Variants in FTO observed in about 807,000 individuals in gnomAD.
FTO encodes the protein alpha-ketoglutarate-dependent dioxygenase FTO.
A neutral mutation model predicts 63.9 loss-of-function variants in FTO; 47 were observed. The observed-to-expected ratio is 0.74, with a 90% CI of 0.58 to 0.94. The LOEUF (loss-of-function observed/expected upper bound fraction) is 0.94. Among genes scored for constraint, FTO ranks in the 40% least tolerant of loss-of-function variants. FTO has a pLI of 0.00. For synonymous variants in FTO, 207 were observed against 224.4 expected (o/e 0.92, Z 0.69); for missense variants, 562 against 618.1 (o/e 0.91, Z 0.96).
At chr16:54,029,486 TC>T (rs1274392900) in intron 8 of FTO, among the ~76,000 whole-genome samples, 1 of 151,962 alleles carries the variant, frequency 6.6e-6, no homozygotes, top group Non-Finnish European at 1.5e-5. Context: ...CCTCTCACAC[TC>T]CCCCTTTTTT....
At chr16:53,724,435 A>G (rs2076107175) in intron 1 of FTO, among the ~76,000 whole-genome samples, 1 of 152,082 alleles carries the variant, frequency 6.6e-6, no homozygotes, top group Admixed American at 6.5e-5. Context: ...ACCTGTATAT[A>G]ATGTTTATTT....
intron 7 of FTO, among the ~76,000 whole-genome samples, chr16:53,896,736 C>T (rs995157716): frequency 1.3e-5 from 2 of 152,240 alleles, no homozygotes; most frequent in South Asian, 2.1e-4. Flanking sequence ...GCCGGTTGAC[C>T]GAGTCTTCCT....
intron 4 of FTO, among the ~76,000 whole-genome samples, chr16:53,854,320 T>C (rs1469106506): frequency 6.6e-6 from 1 of 152,186 alleles, no homozygotes; most frequent in Non-Finnish European, 1.5e-5. Flanking sequence ...TTTAAGTAGG[T>C]CCCGTTTATT....
At chr16:53,925,482 A>C (rs2143079589) in intron 7 of FTO, among the ~76,000 whole-genome samples, 1 of 152,128 alleles carries the variant, frequency 6.6e-6, no homozygotes, top group Non-Finnish European at 1.5e-5. Flanking sequence ...TTTTTTAATG[A>C]ACTCTGAAGA....
intron 8 of FTO, among the ~76,000 whole-genome samples, chr16:54,027,306 A>G (rs1181922126): frequency 6.6e-6 from 1 of 152,144 alleles, no homozygotes; most frequent in Non-Finnish European, 1.5e-5. Flanking sequence ...AAAGCCATGA[A>G]TGGAATGATA....
intron 2 of FTO, among the ~76,000 whole-genome samples, chr16:53,816,332 C>T (rs1464178850): frequency 6.6e-6 from 1 of 152,144 alleles, no homozygotes; most frequent in Non-Finnish European, 1.5e-5. Flanking sequence ...TTTAACACAG[C>T]ATCCGGAATG....
intron 7 of FTO, among the ~76,000 whole-genome samples, chr16:53,892,134 C>A (rs2081164682): frequency 6.6e-6 from 1 of 152,030 alleles, no homozygotes; most frequent in Admixed American, 6.6e-5. Context: ...TTGGATGAAT[C>A]TACGGTTCTG....
chr16:53,845,350 A>G lies in FTO; in HGVS notation c.895+1052A>G, dbSNP rs572839723. Among the ~76,000 whole-genome samples the G allele has an allele frequency of 9.9e-5, 15 of 152,260 alleles. No individual in the cohort carries two copies. In the South Asian group the frequency reaches 3.1e-3, roughly 32 times the overall value. ...TTAATTGGGTATTTTAGAGTCTACT[A>G]TGTTCCAGGTACTGTGTAAGGTTCC... On this transcript the variant is annotated intron_variant, in intron 4 of 8. Transcript: ENST00000471389.
At chr16:54,015,597 T>G (rs573123506) in intron 8 of FTO, among the ~76,000 whole-genome samples, 1 of 152,308 alleles carries the variant, frequency 6.6e-6, no homozygotes, top group South Asian at 2.1e-4. Context: ...AAAAAAGGAT[T>G]TAAAATTCAA....
chr16:53,776,421 G>A (rs1414437763), intron 1 of FTO, among the ~76,000 whole-genome samples: 1 of 152,158 alleles, frequency 6.6e-6, no homozygotes, highest in Non-Finnish European at 1.5e-5. Flanking sequence ...TGCTTTTTGT[G>A]TGTGTGAGAA....
At chr16:53,868,648 A>T (rs995254691) in intron 4 of FTO, among the ~76,000 whole-genome samples, 8 of 152,068 alleles carry the variant, frequency 5.3e-5, no homozygotes, top group African/African-American at 1.9e-4. Context: ...GGGTAAGAAA[A>T]ATAATGGTTT....
At chr16:53,903,815 T>C (rs2081465801) in intron 7 of FTO, among the ~76,000 whole-genome samples, 1 of 152,048 alleles carries the variant, frequency 6.6e-6, no homozygotes, top group Non-Finnish European at 1.5e-5. Flanking sequence ...GGAGTAAAAT[T>C]GTTGGATCAA....
At chr16:53,720,670 T>G (rs1257792508) in intron 1 of FTO, among the ~76,000 whole-genome samples, 1 of 147,604 alleles carries the variant, frequency 6.8e-6, no homozygotes, top group Non-Finnish European at 1.5e-5. Flanking sequence ...TATATATATA[T>G]AAAAGATATA....
intron 1 of FTO, among the ~76,000 whole-genome samples, chr16:53,707,084 G>C (rs2075641377): frequency 6.6e-6 from 1 of 152,202 alleles, no homozygotes; most frequent in African/African-American, 2.4e-5. Context: ...TATGGCTGCT[G>C]CAACAAGTTA....
chr16:53,974,030 T>TA (rs1567487308), intron 8 of FTO, among the ~76,000 whole-genome samples: 1 of 152,188 alleles, frequency 6.6e-6, no homozygotes, highest in African/African-American at 2.4e-5. Flanking sequence ...CATATTTATA[T>TA]AAAATCTCAG....
At chr16:53,873,649 G>C (rs2080565352) in intron 4 of FTO, 137 bp from the exon 5 acceptor site, 2 of 667,198 alleles carry the variant, frequency 3.0e-6, no homozygotes, top group East Asian at 3.0e-5. Context: ...AAGAATACAA[G>C]GTAAGTATTG....
chr16:53,949,803 C>T (rs1263742932), intron 8 of FTO, among the ~76,000 whole-genome samples: 1 of 151,936 alleles, frequency 6.6e-6, no homozygotes, highest in Admixed American at 6.6e-5. Context: ...CCTTGGCAGC[C>T]TTTTGGATAA....
At position 54,118,784 on chromosome 16, in the gene FTO, C is replaced by T. The variant is rs2086988930; in HGVS notation, c.*6869C>T. On this transcript the variant is annotated 3_prime_UTR_variant, in exon 9 of 9. Coordinates refer to ENST00000471389, the MANE Select transcript of FTO (RefSeq NM_001080432.3). ...AGAGAAGGAGAGAGGGTCCACAAGC[C>T]AGATCCATCCCCATCCACACAGGTA... is the stretch of plus-strand genomic sequence containing the variant. 6.6e-6 allele frequency: 1 copy of T among 152,136 alleles called. No homozygotes were observed. The highest frequency in any genetic ancestry group is 1.5e-5 in the Non-Finnish European group (1 of 68,072). 9.4% of individuals were successfully genotyped at this position (152,136 alleles called of 1,614,324 possible). A position where few individuals can be genotyped will look rare whatever the true frequency, so the allele number is the denominator to read the frequency against.
At chr16:53,971,725 T>G (rs1231688647) in intron 8 of FTO, among the ~76,000 whole-genome samples, 1 of 152,256 alleles carries the variant, frequency 6.6e-6, no homozygotes, top group East Asian at 1.9e-4. Context: ...TAACTGTGTG[T>G]TAACTCGGAG....
Sources: gnomAD v4.1 joint callset for allele counts (sites outside exome capture counted in the v4.1 genomes callset) on GRCh38, gnomAD v4.1.1 for gene constraint, MANE v1.5 for transcripts, NCBI Gene and HGNC (gene_info 2026-07-23, HGNC 2026-07-21) for gene names.